The following RBFOX1 variants were observed in gnomAD, a reference collection of about 807,000 sequenced individuals.
The protein encoded by RBFOX1 is RNA binding fox-1 homolog 1, also known as RNA binding protein fox-1 homolog 1.
In RBFOX1, 8 loss-of-function variants were observed where a neutral mutation model predicts 57.7. The observed-to-expected ratio is 0.14, with a 90% CI of 0.08 to 0.25. The LOEUF (loss-of-function observed/expected upper bound fraction) is 0.25. Ranked by LOEUF, RBFOX1 falls within the 10% of genes least tolerant of loss-of-function variation. The pLI, the probability that RBFOX1 is intolerant of heterozygous loss-of-function variation, is 1.00. For missense variants in RBFOX1, 611 were observed against 548.5 expected (o/e 1.11, Z -1.14); for synonymous variants, 326 against 222.4 (o/e 1.47, Z -4.15).
intron 3 of RBFOX1, among the ~76,000 whole-genome samples, chr16:6,816,044 CTCATG>C (rs1367383959): frequency 2.0e-5 from 3 of 152,164 alleles, no homozygotes; most frequent in Non-Finnish European, 1.5e-5. Flanking sequence ...GGAGCAATGG[CTCATG>C]CGTGTCCCAG....
intron 1 of RBFOX1, among the ~76,000 whole-genome samples, chr16:5,392,477 A>G (rs1218542135): frequency 1.3e-5 from 2 of 151,484 alleles, no homozygotes; most frequent in Non-Finnish European, 2.9e-5. Context: ...AGGGGGTGTT[A>G]CTCTGTCTAC....
At chr16:6,462,038 C>A (rs1261018262) in intron 2 of RBFOX1, among the ~76,000 whole-genome samples, 2 of 152,102 alleles carry the variant, frequency 1.3e-5, no homozygotes, top group South Asian at 2.1e-4. Context: ...GTCATGATTA[C>A]CTTTCCCTTA....
At chr16:6,877,455 G>A (rs895440289) in intron 3 of RBFOX1, among the ~76,000 whole-genome samples, 1 of 152,130 alleles carries the variant, frequency 6.6e-6, no homozygotes, top group Non-Finnish European at 1.5e-5. Flanking sequence ...TAGTGGGGAA[G>A]CTTGACTTCT....
At chr16:7,676,007 C>G (rs2073164246) in intron 13 of RBFOX1, among the ~76,000 whole-genome samples, 1 of 152,180 alleles carries the variant, frequency 6.6e-6, no homozygotes, top group Admixed American at 6.5e-5. Flanking sequence ...GTCCTCTTTG[C>G]TTAATTGAAC....
chr16:5,491,333 A>G (rs973548343), intron 2 of RBFOX1, among the ~76,000 whole-genome samples: 4 of 152,114 alleles, frequency 2.6e-5, no homozygotes, highest in Non-Finnish European at 4.4e-5. Flanking sequence ...CCACCTGACT[A>G]TTATCGCCAA....
intron 3 of RBFOX1, among the ~76,000 whole-genome samples, chr16:6,829,497 A>AC (rs1210830247): frequency 0.021 from 3,151 of 150,140 alleles, 111 homozygotes; most frequent in South Asian, 0.1. Flanking sequence ...AAAAAAAAAC[A>AC]AAAAAACGTT....
intron 2 of RBFOX1, among the ~76,000 whole-genome samples, chr16:6,387,010 A>G (rs769710479): frequency 4.6e-5 from 7 of 152,212 alleles, no homozygotes; most frequent in Non-Finnish European, 8.8e-5. Context: ...ACCCAGGAAC[A>G]TGACTGGGGT....
chr16:5,947,601 G>T lies in RBFOX1; in HGVS notation c.351+80266G>T, dbSNP rs1436100729. ...GCCTCCCAAAGTGCTGGGATTACAT[G>T]CATGATCCACCATGTCTTGACCCTT... On this transcript the variant is annotated intron_variant, in intron 4 of 19. Coordinates refer to the RBFOX1 transcript ENST00000641259. The surrounding 1 kb of genome is among the most constrained non-coding windows in gnomAD (Gnocchi z 7.2). Among the ~76,000 whole-genome samples the T allele has an allele frequency of 6.6e-6, 1 of 152,176 alleles. No homozygotes were observed. Among genetic ancestry groups the T allele is most frequent in the Admixed American group, 6.5e-5 (1 of 15,288 alleles).
At chr16:7,087,886 C>A (rs768324542) in intron 4 of RBFOX1, among the ~76,000 whole-genome samples, 27 of 152,110 alleles carry the variant, frequency 1.8e-4, no homozygotes, top group Non-Finnish European at 3.4e-4. Flanking sequence ...TCCTCTGTCT[C>A]TCTTTCTCTT....
At chr16:7,190,321 C>G (rs113268279) in intron 4 of RBFOX1, among the ~76,000 whole-genome samples, 14 of 151,848 alleles carry the variant, frequency 9.2e-5, no homozygotes, top group Non-Finnish European at 1.8e-4. Flanking sequence ...ATCACACCAC[C>G]GTACTCCAGC....
At chr16:5,506,761 A>G (rs1016191572) in intron 2 of RBFOX1, among the ~76,000 whole-genome samples, 1 of 152,040 alleles carries the variant, frequency 6.6e-6, no homozygotes, top group African/African-American at 2.4e-5. Context: ...TGAAATGTTG[A>G]AAGTTTTACC....
intron 2 of RBFOX1, among the ~76,000 whole-genome samples, chr16:6,643,144 G>A (rs1335584678): frequency 6.6e-6 from 1 of 152,152 alleles, no homozygotes; most frequent in Admixed American, 6.5e-5. Context: ...AAAACATGCA[G>A]TCATTTGAGA....
At chr16:6,127,066 A>G (rs2096594927) in intron 1 of RBFOX1, among the ~76,000 whole-genome samples, 1 of 152,208 alleles carries the variant, frequency 6.6e-6, no homozygotes, top group Non-Finnish European at 1.5e-5. Flanking sequence ...AGCTGGACCC[A>G]CATCCATGGG....
intron 2 of RBFOX1, among the ~76,000 whole-genome samples, chr16:6,614,655 C>A (rs961630682): frequency 6.6e-6 from 1 of 152,170 alleles, no homozygotes; most frequent in African/African-American, 2.4e-5. Flanking sequence ...TAGCCTCTTT[C>A]CTTACTCCTA....
intron 3 of RBFOX1, among the ~76,000 whole-genome samples, chr16:5,708,490 G>A (rs531170525): frequency 4.6e-5 from 7 of 152,192 alleles, no homozygotes; most frequent in South Asian, 2.1e-4. Flanking sequence ...ATCCACCTGC[G>A]TCCAGCTGGA....
intron 4 of RBFOX1, among the ~76,000 whole-genome samples, chr16:7,055,649 A>G (rs188462132): frequency 5.8e-4 from 88 of 152,310 alleles, no homozygotes; most frequent in Admixed American, 9.8e-4. Flanking sequence ...CTCTACATCA[A>G]TCACTGGCAA....
intron 3 of RBFOX1, among the ~76,000 whole-genome samples, chr16:6,864,983 G>GT (rs201161627): frequency 0.016 from 1,961 of 120,720 alleles, 85 homozygotes; most frequent in African/African-American, 0.067. Flanking sequence ...GTTGGAGTGG[G>GT]TTTTTCTTTT....
At chr16:7,028,913 G>C (rs2041824470) in intron 3 of RBFOX1, among the ~76,000 whole-genome samples, 1 of 150,900 alleles carries the variant, frequency 6.6e-6, no homozygotes, top group African/African-American at 2.4e-5. Flanking sequence ...TGCTAGGAAA[G>C]TTTGCAAGCA....
chr16:5,394,671 C>G (rs537701003), intron 1 of RBFOX1, among the ~76,000 whole-genome samples: 1 of 151,400 alleles, frequency 6.6e-6, no homozygotes, highest in Non-Finnish European at 1.5e-5. Context: ...AAGCAATCCT[C>G]CTAAGTAGCT....
Sources: gnomAD v4.1 joint callset for allele counts (sites outside exome capture counted in the v4.1 genomes callset) on GRCh38, gnomAD v4.1.1 for gene constraint, Gnocchi (gnomAD v3.1) non-coding constraint, MANE v1.5 for transcripts, NCBI Gene and HGNC (gene_info 2026-07-23, HGNC 2026-07-21) for gene names.